The following KIAA1755 variants were observed in gnomAD, a reference collection of about 807,000 sequenced individuals.
The protein encoded by KIAA1755 is uncharacterized protein KIAA1755.
KIAA1755 carries 68 observed loss-of-function variants against 91.7 expected under a neutral mutation model. The ratio of observed to expected loss-of-function variants is 0.74; its 90% confidence interval spans 0.61 to 0.91. KIAA1755 has a LOEUF of 0.91. Ranked by LOEUF, KIAA1755 falls within the 40% of genes least tolerant of loss-of-function variation. KIAA1755 has a pLI of 0.00. For missense variants in KIAA1755, 1,535 were observed against 1,494.4 expected (o/e 1.03, Z -0.45); for synonymous variants, 610 against 604.6 (o/e 1.01, Z -0.13).
rs1424675393 is a variant in KIAA1755, at chr20:38,213,566, C to G, written c.3079G>C (p.Ala1027Pro). ...VGLQVASLSRAGLGQELWEEA... is the reference protein window; with the variant it reads ...VGLQVASLSRPGLGQELWEEA... Reference sequence around the variant, plus strand: ...TCCCATAGCTCCTGGCCCAGGCCTGCCCGGCTCAGGGAGGCCACCTGCAGC... The same window carrying G: ...TCCCATAGCTCCTGGCCCAGGCCTGGCCGGCTCAGGGAGGCCACCTGCAGC... Residue 1027 changes from alanine (A) to proline (P), a missense_variant, in exon 14 of 14, where the codon GCA (alanine) becomes CCA (proline). By Grantham distance (27) the Ala-to-Pro change is conservative (BLOSUM62 -1). Coordinates refer to ENST00000279024, the MANE Select transcript of KIAA1755 (RefSeq NM_001029864.2). The G allele has an allele frequency of 6.2e-7, 1 of 1,606,552 alleles. No homozygotes were observed. Among genetic ancestry groups the G allele is most frequent in the East Asian group, 2.2e-5 (1 of 44,712 alleles).
At chr20:38,236,058 T>C (rs1043691555) in intron 4 of KIAA1755, among the ~76,000 whole-genome samples, 34 of 152,156 alleles carry the variant, frequency 2.2e-4, no homozygotes, top group African/African-American at 8.0e-4. Context: ...ACCACGCTGG[T>C]TTGGACTTGG....
intron 10 of KIAA1755, among the ~76,000 whole-genome samples, chr20:38,220,052 C>T (rs1335452829): frequency 2.6e-5 from 4 of 152,206 alleles, no homozygotes; most frequent in African/African-American, 4.8e-5. Context: ...AGCTCTGCTG[C>T]CTTCTAGTAG....
intron 3 of KIAA1755, among the ~76,000 whole-genome samples, chr20:38,240,296 G>C (rs1398302845): frequency 1.3e-5 from 2 of 152,156 alleles, no homozygotes; most frequent in Non-Finnish European, 2.9e-5. Flanking sequence ...CCATTGCACA[G>C]ATAGGGAGAA....
rs779318544 is a variant in KIAA1755, at chr20:38,213,105, C to G, written c.3540G>C (p.Glu1180Asp). Reference protein sequence around the residue: ...PRLTGGSFSSEGTDSQTSLED... With the variant: ...PRLTGGSFSSDGTDSQTSLED... Reference sequence around the variant, plus strand: ...CAAGGGATGTCTGTGAGTCTGTCCCCTCTGAGGAGAAGCTGCCCCCAGTGA... The same window carrying G: ...CAAGGGATGTCTGTGAGTCTGTCCCGTCTGAGGAGAAGCTGCCCCCAGTGA... Residue 1180 changes from glutamate to aspartate, a missense_variant, in exon 14 of 14, where the codon GAG becomes GAC. Glu to Asp is a conservative substitution (Grantham distance 45). Transcript: ENST00000279024. 2.0e-5 allele frequency: 32 copies of G among 1,600,788 alleles called. No homozygotes were observed. Among genetic ancestry groups the G allele is most frequent in the Non-Finnish European group, 2.6e-5 (30 of 1,172,744 alleles).
Position 38,210,880 on chromosome 20 carries a change from A to C in KIAA1755, c.*2162T>G, listed in dbSNP as rs538562343. 6.6e-6 allele frequency: 1 copy of C among 152,320 alleles called. No individual in the cohort carries two copies. The highest frequency in any genetic ancestry group is 2.4e-5 in the African/African-American group (1 of 41,566). 9.4% of individuals were successfully genotyped at this position (152,320 alleles called of 1,614,324 possible). A position where few individuals can be genotyped will look rare whatever the true frequency, so the allele number is the denominator to read the frequency against. ...AGGCATGGATGGAGATGGGCTGATC[A>C]ACGCCTCTTGCATCTTTGGGCCTGT... is the stretch of plus-strand genomic sequence containing the variant. On this transcript the variant is annotated 3_prime_UTR_variant, in exon 14 of 14. Transcript: ENST00000279024.
At chr20:38,223,015 G>A (rs1427669516) in intron 9 of KIAA1755, 1 of 282,346 alleles carries the variant, frequency 3.5e-6, no homozygotes, top group Non-Finnish European at 6.9e-6. Flanking sequence ...GCATCTAGAA[G>A]CTCCACTCAT....
intron 4 of KIAA1755, among the ~76,000 whole-genome samples, chr20:38,232,354 C>T (rs934565957): frequency 2.6e-5 from 4 of 152,092 alleles, no homozygotes; most frequent in Non-Finnish European, 1.5e-5. Context: ...TGGCTGGGCA[C>T]GGTGGCTCAC....
intron 1 of KIAA1755, among the ~76,000 whole-genome samples, chr20:38,250,389 C>A (rs555548918): frequency 6.6e-6 from 1 of 151,944 alleles, no homozygotes; most frequent in African/African-American, 2.4e-5. Context: ...GTAATACATG[C>A]GAATTCTCTG....
intron 11 of KIAA1755, among the ~76,000 whole-genome samples, chr20:38,219,155 C>G (rs1032273321): frequency 6.6e-6 from 1 of 152,110 alleles, no homozygotes; most frequent in Non-Finnish European, 1.5e-5. Context: ...AGGAGTGTGC[C>G]GTGCCCCACA....
rs1255128840 is a variant in KIAA1755, at chr20:38,260,539, C to T, written c.-39G>A. The T allele has an allele frequency of 2.0e-6, 3 of 1,483,522 alleles. No individual in the cohort carries two copies. Among genetic ancestry groups the T allele is most frequent in the East Asian group, 2.5e-5 (1 of 40,750 alleles). The allele number at this position is 1,483,522 out of a possible 1,614,324, so 91.9% of individuals were successfully genotyped here. On this transcript the variant is annotated 5_prime_UTR_variant, in exon 1 of 14. Transcript: ENST00000279024. ...CAGCGGCGGGCGGCGCGGCTCCTCT[C>T]CTGGGCGCGGGGTCTGTGGGTCCGC...
intron 5 of KIAA1755, among the ~76,000 whole-genome samples, chr20:38,229,367 C>T (rs1264485833): frequency 5.3e-5 from 8 of 152,158 alleles, no homozygotes; most frequent in Non-Finnish European, 1.2e-4. Context: ...CTATGATTAT[C>T]CTAGAAGGGG....
intron 1 of KIAA1755, among the ~76,000 whole-genome samples, chr20:38,252,500 C>T (rs943331325): frequency 2.6e-5 from 4 of 152,192 alleles, no homozygotes; most frequent in African/African-American, 9.7e-5. Flanking sequence ...CAAGACCGCA[C>T]AGAAGAGAAA....
At chr20:38,219,102 G>A (rs373736284) in intron 11 of KIAA1755, among the ~76,000 whole-genome samples, 25 of 152,240 alleles carry the variant, frequency 1.6e-4, no homozygotes, top group African/African-American at 5.5e-4. Flanking sequence ...GCCACACCAC[G>A]AGTAAGTGCT....
At chr20:38,228,784 A>G (rs1415884464) in intron 5 of KIAA1755, among the ~76,000 whole-genome samples, 5 of 152,160 alleles carry the variant, frequency 3.3e-5, no homozygotes, top group Non-Finnish European at 7.4e-5. Flanking sequence ...AAAAGTTCTT[A>G]ACAAAGAGAT....
At chr20:38,235,115 T>TA (rs2075937365) in intron 4 of KIAA1755, among the ~76,000 whole-genome samples, 1 of 65,148 alleles carries the variant, frequency 1.5e-5, no homozygotes, top group Non-Finnish European at 3.4e-5. Flanking sequence ...ATTAAAAGCA[T>TA]TTTTTCATAT....
At chr20:38,223,472 G>A (rs559217222) in intron 9 of KIAA1755, 66 bp downstream of exon 9, 6 of 1,127,834 alleles carry the variant, frequency 5.3e-6, no homozygotes, top group Middle Eastern at 2.0e-4. Context: ...TCCCCTTCTC[G>A]AAGCCCTTGG....
chr20:38,240,980 G>A lies in KIAA1755; in HGVS notation c.1151C>T (p.Ala384Val). Residue 384 changes from alanine (A) to valine (V), a missense_variant, in exon 3 of 14, where the codon GCC becomes GTC. Coordinates refer to ENST00000279024, the MANE Select transcript of KIAA1755 (RefSeq NM_001029864.2). ...TGAGACACCTGCCCTGAGACCAGAG[G>A]CACAGTCCAGTGCGTCCTCAAGGAC... ...MNVLEDALDCASGLRAGVSQE... is the reference protein window; with the variant it reads ...MNVLEDALDCVSGLRAGVSQE... 1 of 1,614,170 alleles carries A rather than the reference G, an allele frequency of 6.2e-7. No individual in the cohort carries two copies. The highest frequency in any genetic ancestry group is 8.5e-7 in the Non-Finnish European group (1 of 1,180,028).
intron 11 of KIAA1755, 92 bp from the exon 12 acceptor site, chr20:38,218,458 G>C: frequency 6.6e-7 from 1 of 1,526,242 alleles, no homozygotes; most frequent in African/African-American, 1.4e-5. Context: ...GAGGTCTTCT[G>C]TCTTCACTCA....
At chr20:38,216,194 C>T (rs2123055064) in intron 13 of KIAA1755, among the ~76,000 whole-genome samples, 1 of 152,354 alleles carries the variant, frequency 6.6e-6, no homozygotes, top group East Asian at 1.9e-4. Flanking sequence ...AGAGCTCACG[C>T]AAGGACATGA....
Sources: allele counts gnomAD v4.1 joint callset (sites outside exome capture counted in the v4.1 genomes callset), GRCh38; gene constraint gnomAD v4.1.1; transcripts MANE v1.5; gene names NCBI Gene and HGNC (gene_info 2026-07-23, HGNC 2026-07-21).